RUFY3: variants seen among roughly 807,000 people sequenced by gnomAD.
RUFY3 encodes protein RUFY3.
In RUFY3, 34 loss-of-function variants were observed where a neutral mutation model predicts 84.0. The ratio of observed to expected loss-of-function variants is 0.40; its 90% CI spans 0.31 to 0.54. The LOEUF (loss-of-function observed/expected upper bound fraction) is 0.54, where lower values mean the gene tolerates loss of function less well. Among genes scored for constraint, RUFY3 ranks in the 20% least tolerant of loss-of-function variants. The pLI is 0.39. For missense variants in RUFY3, 507 were observed against 736.8 expected, an observed-to-expected ratio of 0.69 and a Z score of 3.61; for synonymous variants, 242 against 252.9, an observed-to-expected ratio of 0.96 and a Z score of 0.41.
At chr4:70,721,284 ACT>A (rs377029231), upstream of RUFY3, among the ~76,000 whole-genome samples, 737 of 151,968 alleles carry the variant, frequency 4.8e-3, 2 homozygotes, top group African/African-American at 0.016. Flanking sequence ...ACAGAGCAAG[ACT>A]CTGTCTCAAA....
At chr4:70,738,952 C>T (rs10007937) in intron 1 of RUFY3, among the ~76,000 whole-genome samples, 13,942 of 150,224 alleles carry the variant, frequency 0.093, 1,362 homozygotes, top group African/African-American at 0.25. Flanking sequence ...ATGGGCTAGG[C>T]GATGCACCCA....
intron 1 of RUFY3, among the ~76,000 whole-genome samples, chr4:70,755,440 T>C (rs576142903): frequency 6.6e-6 from 1 of 152,254 alleles, no homozygotes; most frequent in Non-Finnish European, 1.5e-5. Context: ...GTATGAACAT[T>C]AGTCATTGCA....
upstream of RUFY3, among the ~76,000 whole-genome samples, chr4:70,717,856 T>G (rs189653799): frequency 8.6e-5 from 13 of 150,604 alleles, 1 homozygote; most frequent in East Asian, 2.5e-3. Flanking sequence ...AGTGCTTTTG[T>G]GAAGACTTGA....
chr4:70,704,631 G>C (rs944188296), upstream of RUFY3: 4 of 223,280 alleles, frequency 1.8e-5, no homozygotes, highest in Non-Finnish European at 3.5e-5. Context: ...GGGAAGAGGA[G>C]GACGCTGCCC....
chr4:70,789,447 T>C (rs755548786), intron 11 of RUFY3, 48 bp from the exon 12 acceptor site: 5 of 1,522,454 alleles, frequency 3.3e-6, no homozygotes, highest in Non-Finnish European at 4.5e-6. Flanking sequence ...GTGGTTGTAT[T>C]TTAGGATTTA....
intron 12 of RUFY3, chr4:70,792,565 T>C: frequency 2.0e-6 from 2 of 985,438 alleles, no homozygotes; most frequent in Non-Finnish European, 2.4e-6. Context: ...CTTCATTCCT[T>C]CAAAAGGTCC....
chr4:70,733,151 A>G (rs1426805004), intron 1 of RUFY3, among the ~76,000 whole-genome samples: 35 of 147,190 alleles, frequency 2.4e-4, no homozygotes, highest in African/African-American at 8.9e-4. Flanking sequence ...AGAGAGAGAG[A>G]GAGAGAGAGA....
chr4:70,768,407 T>C (rs1726361102), intron 4 of RUFY3, 131 bp from the exon 5 acceptor site: 6 of 736,720 alleles, frequency 8.1e-6, no homozygotes, highest in African/African-American at 1.8e-5. Flanking sequence ...GTTTTTTTTT[T>C]ACTATTTTTG....
chr4:70,804,663 A>G (rs1416831661), intron 17 of RUFY3, among the ~76,000 whole-genome samples: 2 of 151,792 alleles, frequency 1.3e-5, no homozygotes, highest in Non-Finnish European at 2.9e-5. Flanking sequence ...CACGCCTGTA[A>G]TCCCAGCATT....
intron 14 of RUFY3, 26 bp from the exon 15 acceptor site, chr4:70,800,115 T>C (rs752856232): frequency 6.3e-7 from 1 of 1,594,350 alleles, no homozygotes; most frequent in Admixed American, 1.8e-5. Context: ...GAATAATTAA[T>C]AAATTGGGCT....
At chr4:70,704,806 C>G (rs1421183028) in exon 1 of RUFY3, 1 of 583,064 alleles carries the variant, frequency 1.7e-6, no homozygotes, top group Non-Finnish European at 2.5e-6. Context: ...AGCCCGTGGC[C>G]GAGAAGAAAG....
chr4:70,771,425 C>A (rs768276488), intron 5 of RUFY3, among the ~76,000 whole-genome samples: 2 of 152,078 alleles, frequency 1.3e-5, no homozygotes, highest in Non-Finnish European at 2.9e-5. Context: ...ACTTTTCATT[C>A]CCTAAAAACG....
chr4:70,704,792 C>T (rs930157179), upstream of RUFY3: 2 of 500,196 alleles, frequency 4.0e-6, no homozygotes, highest in East Asian at 4.2e-5. Context: ...GGAGCCCAGG[C>T]GCCAGCCCGT....
At chr4:70,739,625 A>G (rs1720974262) in intron 1 of RUFY3, among the ~76,000 whole-genome samples, 2 of 152,106 alleles carry the variant, frequency 1.3e-5, no homozygotes, top group East Asian at 1.9e-4. Flanking sequence ...GCCTATAGCA[A>G]TACTGCTAGA....
intron 16 of RUFY3, chr4:70,803,216 A>G (rs749587233): frequency 4.6e-5 from 19 of 411,666 alleles, no homozygotes; most frequent in Non-Finnish European, 6.9e-5. Context: ...TATCCCTGAC[A>G]TAAGATCTAG....
chr4:70,797,428 G>A lies in RUFY3; in HGVS notation c.1557+2534G>A, dbSNP rs1461986827. On this transcript the variant is annotated intron_variant, in intron 14 of 17. Transcript: ENST00000381006. The stretch of plus-strand genomic sequence containing the variant: ...AATACCTCTAGTATATAACAAAGCA[G>A]GAAGAGTTCATAAACTATTTAAAAT... Among the ~76,000 whole-genome samples the A allele has an allele frequency of 3.9e-5, 6 of 152,136 alleles. No homozygotes were observed. In the South Asian group the frequency reaches 1.2e-3, roughly 32 times the overall value.
exon 1 of RUFY3, chr4:70,705,081 G>T: frequency 1.5e-6 from 2 of 1,308,762 alleles, no homozygotes; most frequent in Non-Finnish European, 1.9e-6. Flanking sequence ...GCCGCCGCCG[G>T]CCTCCCCCGC....
upstream of RUFY3, among the ~76,000 whole-genome samples, chr4:70,719,901 T>TGAA (rs1553898300): frequency 1.2e-4 from 18 of 152,096 alleles, no homozygotes; most frequent in Middle Eastern, 3.2e-3. Context: ...TGAATATCTG[T>TGAA]TGAATGAATG....
At chr4:70,770,288 T>C (rs1441570295) in intron 5 of RUFY3, among the ~76,000 whole-genome samples, 1 of 152,234 alleles carries the variant, frequency 6.6e-6, no homozygotes, top group Non-Finnish European at 1.5e-5. Flanking sequence ...AGCCAGGCAT[T>C]GACTTCTCAT....
Sources: gnomAD v4.1 joint callset for allele counts (sites outside exome capture counted in the v4.1 genomes callset) on GRCh38, gnomAD v4.1.1 for gene constraint, MANE v1.5 for transcripts, NCBI Gene and HGNC (gene_info 2026-07-23, HGNC 2026-07-21) for gene names.